GRIA2: variants seen among roughly 807,000 people sequenced by gnomAD.
The protein encoded by GRIA2 is glutamate ionotropic receptor AMPA type subunit 2.
A neutral mutation model predicts 97.3 loss-of-function variants in GRIA2; 14 were observed. The observed-to-expected ratio is 0.14, with a 90% CI of 0.10 to 0.23. The LOEUF (loss-of-function observed/expected upper bound fraction) is 0.23, where lower values mean the gene tolerates loss of function less well. Ranked by LOEUF, GRIA2 falls within the 10% of genes least tolerant of loss-of-function variation. The probability of loss-of-function intolerance (pLI) is 1.00; values close to 1 mark genes in which losing one functional copy is unlikely to be tolerated. For missense variants in GRIA2, 558 were observed against 1,069.8 expected, an observed-to-expected ratio of 0.52 and a Z score of 6.67; for synonymous variants, 412 against 387.8, an observed-to-expected ratio of 1.06 and a Z score of -0.73.
At chr4:157,248,440 G>A (rs981691038) in intron 2 of GRIA2, among the ~76,000 whole-genome samples, 7 of 148,042 alleles carry the variant, frequency 4.7e-5, no homozygotes, top group African/African-American at 1.5e-4. Flanking sequence ...GGTGGCACAC[G>A]CTTGTAATCC....
intron 2 of GRIA2, among the ~76,000 whole-genome samples, chr4:157,245,456 G>A (rs1387865446): frequency 1.3e-5 from 2 of 151,920 alleles, no homozygotes; most frequent in Non-Finnish European, 2.9e-5. Context: ...TCTCCTATCT[G>A]CTTCATTAAG....
At position 157,303,443 on chromosome 4, in the gene GRIA2, A is replaced by C. The variant is rs963838348; in HGVS notation, c.230-109A>C. On this transcript the variant is annotated intron_variant, in intron 2 of 15. Transcript: ENST00000264426. ...GATCATTAAATCTATATTTCTTTCAATATGTTAATTTTGTATTTTATGTAA... is the reference window on the plus strand; with the variant it reads ...GATCATTAAATCTATATTTCTTTCACTATGTTAATTTTGTATTTTATGTAA... 11 of 823,274 alleles carry C rather than the reference A, an allele frequency of 1.3e-5. No individual in the cohort carries two copies. In the East Asian group the frequency reaches 2.8e-4, roughly 21 times the overall value. 51.0% of individuals were successfully genotyped at this position (823,274 alleles called of 1,614,324 possible).
At chr4:157,221,164 G>A (rs754799174) in intron 1 of GRIA2, 34 bp downstream of exon 1, 1 of 1,039,470 alleles carries the variant, frequency 9.6e-7, no homozygotes, top group Non-Finnish European at 1.5e-6. Flanking sequence ...TTTGAATTGT[G>A]CATAATTTGG....
intron 2 of GRIA2, among the ~76,000 whole-genome samples, chr4:157,251,138 A>G (rs1261506041): frequency 6.6e-6 from 1 of 152,086 alleles, no homozygotes; most frequent in Non-Finnish European, 1.5e-5. Context: ...TTTCATTGTC[A>G]TTTTAAATGA....
Position 157,360,117 on chromosome 4 carries a change from C to A in GRIA2, c.2265C>A (p.Ile755=). 3.1e-6 allele frequency: 5 copies of A among 1,613,758 alleles called. No homozygotes were observed. The highest frequency in any genetic ancestry group is 4.2e-6 in the Non-Finnish European group (5 of 1,179,824). The change falls in exon 13 of 16, where the codon ATC becomes ATA. Residue 755 remains isoleucine (I), a synonymous_variant. Coordinates refer to ENST00000264426, the MANE Select transcript of GRIA2 (RefSeq NM_001083619.3). The part of the protein sequence containing the change: ...GGNLDSKGYG[I]ATPKGSSLRN... The stretch of plus-strand genomic sequence containing the variant: ...ACCTGGATTCCAAAGGCTATGGCAT[C>A]GCAACACCTAAAGGATCCTCATTAA...
intron 2 of GRIA2, among the ~76,000 whole-genome samples, chr4:157,241,474 G>A (rs1045883537): frequency 3.3e-5 from 5 of 152,056 alleles, no homozygotes; most frequent in Admixed American, 6.6e-5. Flanking sequence ...GGATGAATAC[G>A]TAGAGGACTT....
intron 12 of GRIA2, chr4:157,342,440 A>G (rs1391047505): frequency 4.1e-6 from 4 of 984,258 alleles, no homozygotes; most frequent in Non-Finnish European, 4.8e-6. Context: ...ACTTGGGTGT[A>G]TGTGAAGAGT....
chr4:157,311,505 G>T (rs1469882951), intron 3 of GRIA2, among the ~76,000 whole-genome samples: 1 of 151,726 alleles, frequency 6.6e-6, no homozygotes, highest in Non-Finnish European at 1.5e-5. Flanking sequence ...TTTTAATGGT[G>T]GTTTTTCTTT....
intron 2 of GRIA2, among the ~76,000 whole-genome samples, chr4:157,274,702 AT>A (rs1185773827): frequency 1.3e-5 from 2 of 151,480 alleles, no homozygotes; most frequent in Non-Finnish European, 1.5e-5. Context: ...TGAACTCATC[AT>A]TTTTTAAGGC....
chr4:157,346,078 T>C (rs1735751654), intron 12 of GRIA2, among the ~76,000 whole-genome samples: 2 of 152,170 alleles, frequency 1.3e-5, no homozygotes, highest in African/African-American at 4.8e-5. Flanking sequence ...CATTGTCTAC[T>C]ATATAATCAA....
intron 12 of GRIA2, among the ~76,000 whole-genome samples, chr4:157,355,942 A>AT (rs1560781198): frequency 6.5e-3 from 24 of 3,712 alleles, no homozygotes; most frequent in Non-Finnish European, 0.015. Context: ...TTTATATATT[A>AT]ATATATATTT....
chr4:157,331,053 A>G (rs1156886999), intron 6 of GRIA2, among the ~76,000 whole-genome samples: 1 of 152,036 alleles, frequency 6.6e-6, no homozygotes, highest in Admixed American at 6.6e-5. Flanking sequence ...GCAGAACATA[A>G]GCAAAAAGGA....
chr4:157,225,414 T>C (rs1026554241), intron 2 of GRIA2, among the ~76,000 whole-genome samples: 1 of 151,834 alleles, frequency 6.6e-6, no homozygotes, highest in Non-Finnish European at 1.5e-5. Flanking sequence ...AGAACTAAGA[T>C]TTTTTTTCCT....
intron 12 of GRIA2, among the ~76,000 whole-genome samples, chr4:157,346,590 G>A (rs185750533): frequency 3.9e-5 from 6 of 152,024 alleles, no homozygotes; most frequent in East Asian, 1.9e-4. Context: ...TACTCATATC[G>A]AAATAGACCC....
intron 1 of GRIA2, 136 bp from the exon 2 acceptor site, chr4:157,221,531 C>CCGAGT: frequency 1.1e-6 from 1 of 881,198 alleles, no homozygotes; most frequent in East Asian, 2.4e-5. Flanking sequence ...CCCCCGCTGT[C>CCGAGT]CGAGTCCGTA....
intron 11 of GRIA2, 50 bp downstream of exon 11, chr4:157,336,797 C>A (rs1221066058): frequency 6.4e-7 from 1 of 1,553,490 alleles, no homozygotes; most frequent in South Asian, 1.2e-5. Flanking sequence ...CTCAAGTGGA[C>A]ATTCATGGTG....
At chr4:157,316,077 C>T (rs1364572325) in intron 4 of GRIA2, among the ~76,000 whole-genome samples, 1 of 152,078 alleles carries the variant, frequency 6.6e-6, no homozygotes, top group Non-Finnish European at 1.5e-5. Context: ...GTAGGGACTA[C>T]TGATACAACC....
chr4:157,319,179 T>A lies in GRIA2; in HGVS notation c.720+1468T>A, dbSNP rs1411145326. On this transcript the variant is annotated intron_variant, in intron 5 of 15. Coordinates refer to ENST00000264426, the MANE Select transcript of GRIA2 (RefSeq NM_001083619.3). ...ACTAGATGAAGCTCTGTATTCAGTC[T>A]CTCCAGAACCACATTATGTGCAGGA... Among the ~76,000 whole-genome samples, 24 of 152,112 alleles carry A rather than the reference T, an allele frequency of 1.6e-4. 1 individual carries two copies. Among genetic ancestry groups the A allele is most frequent in the Admixed American group, 1.6e-3 (24 of 15,268 alleles).
At chr4:157,317,808 A>G (rs557850015) in intron 5 of GRIA2, 97 bp downstream of exon 5, 4 of 595,718 alleles carry the variant, frequency 6.7e-6, no homozygotes, top group Non-Finnish European at 1.2e-5. Flanking sequence ...GTGTTTTAAA[A>G]AATACAGTTT....
Sources: allele counts gnomAD v4.1 joint callset (sites outside exome capture counted in the v4.1 genomes callset), GRCh38; gene constraint gnomAD v4.1.1; transcripts MANE v1.5; gene names NCBI Gene and HGNC (gene_info 2026-07-23, HGNC 2026-07-21).